Variants in LGSN observed in about 807,000 individuals in gnomAD.
The protein encoded by LGSN is lengsin, lens protein with glutamine synthetase domain, also known as lengsin.
LGSN carries 21 observed loss-of-function variants against 19.5 expected under a neutral mutation model. The observed-to-expected ratio is 1.07, with a 90% CI of 0.76 to 1.55. The LOEUF is 1.55. LGSN is among the 40% of genes most tolerant of loss of function. The probability of loss-of-function intolerance (pLI) is 0.00; values close to 1 mark genes in which losing one functional copy is unlikely to be tolerated. For missense variants in LGSN, 673 were observed against 608.5 expected (o/e 1.11, Z -1.12); for synonymous variants, 257 against 215.6 (o/e 1.19, Z -1.68).
intron 1 of LGSN, among the ~76,000 whole-genome samples, chr6:63,297,163 A>G (rs1433670134): frequency 6.6e-6 from 1 of 152,004 alleles, no homozygotes; most frequent in Non-Finnish European, 1.5e-5. Flanking sequence ...AACATGGTGA[A>G]ACCCCATCTC....
the LGSN span, among the ~76,000 whole-genome samples, chr6:63,330,899 G>T: frequency 3.3e-5 from 5 of 152,184 alleles, no homozygotes; most frequent in Admixed American, 3.3e-4. Context: ...CCCTCCAAGC[G>T]AGGTCAAAGG....
At chr6:63,436,150 T>G in the LGSN span, among the ~76,000 whole-genome samples, 4 of 152,218 alleles carry the variant, frequency 2.6e-5, no homozygotes, top group Admixed American at 2.6e-4. Context: ...TACCACCATC[T>G]TCATTCTCTT....
At chr6:63,323,969 C>T (rs145230861), upstream of LGSN, among the ~76,000 whole-genome samples, 4,940 of 151,976 alleles carry the variant, frequency 0.033, 264 homozygotes, top group African/African-American at 0.11. Context: ...GACAGGGTTT[C>T]GCCATGTTGG....
chr6:63,319,851 A>G (rs913120185), intron 1 of LGSN, 63 bp downstream of exon 1: 10 of 1,192,130 alleles, frequency 8.4e-6, no homozygotes, highest in Non-Finnish European at 1.3e-5. Flanking sequence ...AATAATTGAC[A>G]TTTTTTAAAA....
At chr6:63,488,662 G>T in the LGSN span, among the ~76,000 whole-genome samples, 1 of 152,084 alleles carries the variant, frequency 6.6e-6, no homozygotes, top group East Asian at 1.9e-4. Context: ...ATTAAAAAAA[G>T]CAACTGATAG....
chr6:63,419,943 C>A, the LGSN span, among the ~76,000 whole-genome samples: 1 of 121,878 alleles, frequency 8.2e-6, no homozygotes, highest in East Asian at 2.8e-4. Context: ...TGGTGGCTCA[C>A]ACCTGTAATC....
At chr6:63,318,175 TG>T (rs1768938142) in intron 1 of LGSN, among the ~76,000 whole-genome samples, 1 of 152,212 alleles carries the variant, frequency 6.6e-6, no homozygotes, top group Non-Finnish European at 1.5e-5. Context: ...GATTAATAAC[TG>T]TTCATTTTAC....
chr6:63,312,274 T>C (rs148602967), intron 1 of LGSN, among the ~76,000 whole-genome samples: 14 of 152,298 alleles, frequency 9.2e-5, no homozygotes, highest in African/African-American at 2.2e-4. Context: ...AGTGTAGATA[T>C]CTCTTCAACA....
At chr6:63,343,527 C>A in the LGSN span, among the ~76,000 whole-genome samples, 1 of 152,274 alleles carries the variant, frequency 6.6e-6, no homozygotes, top group South Asian at 2.1e-4. Context: ...AAATCTAGGC[C>A]TGGCAGATGA....
At chr6:63,468,754 T>G in the LGSN span, among the ~76,000 whole-genome samples, 15 of 151,858 alleles carry the variant, frequency 9.9e-5, no homozygotes, top group East Asian at 5.8e-4. Flanking sequence ...AGTTAGTTTT[T>G]GGGGGTTTTT....
At chr6:63,480,069 C>T in the LGSN span, 1,347 of 158,734 alleles carry the variant, frequency 8.5e-3, 23 homozygotes, top group African/African-American at 0.031. Context: ...TCTCTTAGTG[C>T]TAGGCATTCA....
Position 63,298,254 on chromosome 6 carries a change from T to C in LGSN, c.31-3209A>G, listed in dbSNP as rs118097658. Among the ~76,000 whole-genome samples the C allele has an allele frequency of 2.6e-4, 40 of 152,336 alleles. No individual in the cohort carries two copies. In the East Asian group the frequency reaches 7.5e-3, roughly 29 times the overall value. ...AACTGGGGATCATGGGTAAGTTGTC[T>C]CTCAGATTATGGAGATCCCCATGCG... On this transcript the variant is annotated intron_variant, in intron 1 of 3. Transcript: ENST00000370657.
At chr6:63,535,660 G>C in the LGSN span, among the ~76,000 whole-genome samples, 1 of 152,118 alleles carries the variant, frequency 6.6e-6, no homozygotes, top group African/African-American at 2.4e-5. Flanking sequence ...GTAATACTTA[G>C]AGCAACATCA....
the LGSN span, among the ~76,000 whole-genome samples, chr6:63,494,110 C>T: frequency 3.4e-4 from 52 of 151,964 alleles, no homozygotes; most frequent in African/African-American, 9.2e-4. Flanking sequence ...CCACCGTGTC[C>T]GGCTAATTTT....
chr6:63,491,769 G>A, the LGSN span, among the ~76,000 whole-genome samples: 1 of 152,252 alleles, frequency 6.6e-6, no homozygotes, highest in East Asian at 1.9e-4. Flanking sequence ...GGTGGCTCAC[G>A]CCTGTAATCC....
the LGSN span, among the ~76,000 whole-genome samples, chr6:63,339,656 G>A: frequency 6.6e-6 from 1 of 151,994 alleles, no homozygotes; most frequent in Non-Finnish European, 1.5e-5. Flanking sequence ...TTTAATTGGG[G>A]AATTTAAACC....
the LGSN span, among the ~76,000 whole-genome samples, chr6:63,381,423 T>C: frequency 6.6e-6 from 1 of 152,204 alleles, no homozygotes; most frequent in African/African-American, 2.4e-5. Flanking sequence ...TGCTTGACCT[T>C]GGTACTGAAA....
chr6:63,463,114 C>G, the LGSN span, among the ~76,000 whole-genome samples: 3 of 152,160 alleles, frequency 2.0e-5, no homozygotes, highest in Non-Finnish European at 4.4e-5. Context: ...TCCTCCACTG[C>G]TAGTTGTGTA....
chr6:63,296,833 G>T (rs1243685047), intron 1 of LGSN, among the ~76,000 whole-genome samples: 2 of 151,998 alleles, frequency 1.3e-5, no homozygotes, highest in African/African-American at 4.8e-5. Context: ...AGAATAACTT[G>T]CCCCAGGCCA....
Sources: allele counts gnomAD v4.1 joint callset (sites outside exome capture counted in the v4.1 genomes callset), GRCh38; gene constraint gnomAD v4.1.1; transcripts MANE v1.5; gene names NCBI Gene and HGNC (gene_info 2026-07-23, HGNC 2026-07-21).